The following ADAMTS18 variants were observed in gnomAD, a reference collection of about 807,000 sequenced individuals.
ADAMTS18 encodes ADAM metallopeptidase with thrombospondin type 1 motif 18.
In ADAMTS18, 157 loss-of-function variants were observed where a neutral mutation model predicts 165.9. The observed-to-expected ratio is 0.95, with a 90% confidence interval of 0.83 to 1.08. ADAMTS18 has a LOEUF of 1.08. Ranked by LOEUF, ADAMTS18 falls within the 50% of genes least tolerant of loss-of-function variation. The pLI, the probability that ADAMTS18 is intolerant of heterozygous loss-of-function variation, is 0.00. For missense variants in ADAMTS18, 2,040 were observed against 1,534.0 expected (o/e 1.33, Z -5.51); for synonymous variants, 782 against 578.2 (o/e 1.35, Z -5.06).
At chr16:77,380,811 T>G (rs1312719642) in intron 3 of ADAMTS18, among the ~76,000 whole-genome samples, 1 of 152,190 alleles carries the variant, frequency 6.6e-6, no homozygotes, top group Non-Finnish European at 1.5e-5. Context: ...CATAGCATTT[T>G]ATCTGCAGAA....
chr16:77,320,943 C>A, intron 15 of ADAMTS18, 136 bp downstream of exon 15: 1 of 1,111,834 alleles, frequency 9.0e-7, no homozygotes, highest in South Asian at 1.3e-5. Flanking sequence ...CTTACTCTTG[C>A]ACAAGTGAAA....
chr16:77,319,759 C>T, intron 16 of ADAMTS18, 90 bp downstream of exon 16: 1 of 1,601,456 alleles, frequency 6.2e-7, no homozygotes, highest in Non-Finnish European at 8.5e-7. Flanking sequence ...CACCTTTGAA[C>T]TAGAAGGACT....
intron 3 of ADAMTS18, among the ~76,000 whole-genome samples, chr16:77,402,269 A>T (rs1032122451): frequency 2.6e-5 from 4 of 152,116 alleles, no homozygotes. Context: ...ACAAAATATG[A>T]CCCATCACTT....
At chr16:77,307,903 T>A (rs1449699931) in intron 16 of ADAMTS18, among the ~76,000 whole-genome samples, 1 of 152,184 alleles carries the variant, frequency 6.6e-6, no homozygotes, top group Non-Finnish European at 1.5e-5. Flanking sequence ...GCTCACACTG[T>A]CATCTCATTG....
chr16:77,310,369 T>C (rs1392165067), intron 16 of ADAMTS18, among the ~76,000 whole-genome samples: 2 of 152,178 alleles, frequency 1.3e-5, no homozygotes, highest in Non-Finnish European at 2.9e-5. Context: ...GACAGTAGTA[T>C]AGACACAGTA....
chr16:77,354,497 C>T (rs2056600444), intron 9 of ADAMTS18, among the ~76,000 whole-genome samples: 1 of 151,852 alleles, frequency 6.6e-6, no homozygotes, highest in Admixed American at 6.6e-5. Context: ...AAAAATCAGT[C>T]CTGATGGCAT....
At chr16:77,338,907 T>G (rs1377161794) in intron 11 of ADAMTS18, among the ~76,000 whole-genome samples, 4 of 145,234 alleles carry the variant, frequency 2.8e-5, no homozygotes, top group African/African-American at 1.0e-4. Flanking sequence ...TGAGCCAAGA[T>G]CATGCCACTG....
intron 22 of ADAMTS18, among the ~76,000 whole-genome samples, chr16:77,284,843 T>C (rs997610976): frequency 2.0e-5 from 3 of 152,118 alleles, no homozygotes; most frequent in African/African-American, 7.2e-5. Context: ...GGTGTGCTGC[T>C]GGTCCACGAA....
chr16:77,355,913 AG>A, intron 9 of ADAMTS18, 26 bp downstream of exon 9: 1 of 1,613,800 alleles, frequency 6.2e-7, no homozygotes, highest in South Asian at 1.1e-5. Context: ...CAAACCTAGG[AG>A]CACCCCAGGA....
chr16:77,329,412 T>C (rs568844328), intron 12 of ADAMTS18, among the ~76,000 whole-genome samples: 3 of 152,284 alleles, frequency 2.0e-5, no homozygotes, highest in South Asian at 2.1e-4. Context: ...CAGACCCTGA[T>C]TTAAATACAG....
intron 3 of ADAMTS18, among the ~76,000 whole-genome samples, chr16:77,368,531 G>T (rs958954559): frequency 1.3e-5 from 2 of 150,698 alleles, no homozygotes; most frequent in Non-Finnish European, 2.9e-5. Context: ...TGACCTACTG[G>T]TCTCAAGCAA....
chr16:77,325,934 C>T lies in ADAMTS18; in HGVS notation c.1964G>A (p.Cys655Tyr). 6.2e-7 allele frequency: 1 copy of T among 1,614,062 alleles called. No homozygotes were observed. Among genetic ancestry groups the T allele is most frequent in the Non-Finnish European group, 8.5e-7 (1 of 1,179,996 alleles). The change falls in exon 13 of 23, where the codon TGT becomes TAT. Residue 655 changes from cysteine to tyrosine, a missense_variant. Physicochemically the swap from Cys to Tyr is radical, Grantham distance 194. Transcript: ENST00000282849. Reference protein sequence around the residue: ...ENSLDFRAQQCAEYNSKPFRG... With the variant: ...ENSLDFRAQQYAEYNSKPFRG... ...GAAAGGTTTGCTGTTATATTCTGCA[C>T]ACTGTTGAGCCCGAAAATCCAAGCT...
At chr16:77,285,479 T>C (rs4887901) in intron 22 of ADAMTS18, among the ~76,000 whole-genome samples, 65,814 of 152,116 alleles carry the variant, frequency 0.43, 15,621 homozygotes, top group Non-Finnish European at 0.53. Context: ...GCCATTTTAC[T>C]GTATTTTTAA....
Position 77,434,502 on chromosome 16 carries a change from G to A in ADAMTS18, c.94C>T (p.Leu32Phe), listed in dbSNP as rs936118515. ...LAGLGRVAKALQLCCLCCASV... is the reference protein window; with the variant it reads ...LAGLGRVAKAFQLCCLCCASV... The stretch of plus-strand genomic sequence containing the variant: ...GCACAGCAGAGGCAGCACAGCTGGA[G>A]CGCCTGCAAGAGAAAAGGTGACATC... Residue 32 changes from leucine (L) to phenylalanine (F), a missense_variant, in exon 2 of 23, where the codon CTC becomes TTC. By Grantham distance (22) the Leu-to-Phe change is conservative. Coordinates refer to ENST00000282849, the MANE Select transcript of ADAMTS18 (RefSeq NM_199355.4). The A allele has an allele frequency of 9.0e-6, 14 of 1,558,354 alleles. No homozygotes were observed. In the African/African-American group the frequency reaches 1.6e-4, roughly 18 times the overall value.
intron 11 of ADAMTS18, among the ~76,000 whole-genome samples, chr16:77,340,395 G>C (rs2056380484): frequency 6.6e-6 from 1 of 152,006 alleles, no homozygotes; most frequent in South Asian, 2.1e-4. Flanking sequence ...GGCTAGTCTT[G>C]AACTTCTGAC....
chr16:77,386,988 T>C (rs1158002149), intron 3 of ADAMTS18, among the ~76,000 whole-genome samples: 4 of 152,194 alleles, frequency 2.6e-5, no homozygotes, highest in Admixed American at 2.0e-4. Context: ...TTGCCTTCTG[T>C]AGCATCCAAA....
intron 3 of ADAMTS18, among the ~76,000 whole-genome samples, chr16:77,388,216 C>T (rs1341703101): frequency 6.6e-6 from 1 of 152,248 alleles, no homozygotes; most frequent in Non-Finnish European, 1.5e-5. Flanking sequence ...TCTACTGCCT[C>T]AGCCTCCTGA....
At chr16:77,361,962 C>T (rs2056721258) in intron 7 of ADAMTS18, 143 bp downstream of exon 7, 2 of 944,580 alleles carry the variant, frequency 2.1e-6, no homozygotes, top group Admixed American at 2.0e-5. Context: ...ACAATAGTCA[C>T]CACAGGGTAC....
At position 77,434,667 on chromosome 16, in the gene ADAMTS18, G is replaced by T; in HGVS notation, c.29C>A (p.Ala10Asp). ...CGGGCCCGAACCCGCAGCCGGGAAG[G>T]CACACGCGAGCAGGAGGGCGCACTC... MECALLLAC[A>D]FPAAGSGPPR... Residue 10 changes from alanine (A) to aspartate (D), a missense_variant, in exon 1 of 23, where the codon GCC (alanine) becomes GAC (aspartate). Coordinates refer to ENST00000282849, the MANE Select transcript of ADAMTS18 (RefSeq NM_199355.4). 1 of 1,479,256 alleles carries T rather than the reference G, an allele frequency of 6.8e-7. No homozygotes were observed. Among genetic ancestry groups the T allele is most frequent in the Non-Finnish European group, 8.9e-7 (1 of 1,121,812 alleles). The allele number at this position is 1,479,256 out of a possible 1,614,324, so 91.6% of individuals were successfully genotyped here. A position where few individuals can be genotyped will look rare whatever the true frequency, so the allele number is the denominator to read the frequency against.
Sources: allele counts gnomAD v4.1 joint callset (sites outside exome capture counted in the v4.1 genomes callset), GRCh38; gene constraint gnomAD v4.1.1; transcripts MANE v1.5; gene names NCBI Gene and HGNC (gene_info 2026-07-23, HGNC 2026-07-21).